The following IFT81 variants were observed in gnomAD, a reference collection of about 807,000 sequenced individuals.
IFT81 encodes the protein intraflagellar transport 81, also known as intraflagellar transport protein 81 homolog.
IFT81 carries 72 observed loss-of-function variants against 102.6 expected under a neutral mutation model. The ratio of observed to expected loss-of-function variants is 0.70; its 90% CI spans 0.58 to 0.85. The LOEUF (loss-of-function observed/expected upper bound fraction) is 0.85. Among genes scored for constraint, IFT81 ranks in the 40% least tolerant of loss-of-function variants. The pLI, the probability that IFT81 is intolerant of heterozygous loss-of-function variation, is 0.00. For missense variants in IFT81, 723 were observed against 787.3 expected, an observed-to-expected ratio of 0.92 and a Z score of 0.98; for synonymous variants, 237 against 242.7, an observed-to-expected ratio of 0.98 and a Z score of 0.22.
intron 18 of IFT81, chr12:110,216,673 G>A: frequency 2.3e-6 from 1 of 433,182 alleles, no homozygotes; most frequent in Non-Finnish European, 4.5e-6. Flanking sequence ...ACCATGTCCG[G>A]CTAATTTTTG....
chr12:110,174,221 T>C (rs1896928026), intron 11 of IFT81, among the ~76,000 whole-genome samples: 2 of 132,034 alleles, frequency 1.5e-5, no homozygotes, highest in Admixed American at 1.9e-4. Flanking sequence ...GGGCTTGCAG[T>C]GAGCCAAGAT....
chr12:110,148,104 A>G (rs1034356280), intron 10 of IFT81, among the ~76,000 whole-genome samples: 20 of 152,152 alleles, frequency 1.3e-4, no homozygotes, highest in African/African-American at 4.6e-4. Context: ...CTTTTAATCC[A>G]TATGTTCTCT....
At chr12:110,136,719 A>G in intron 7 of IFT81, 57 bp from the exon 8 acceptor site, 2 of 929,084 alleles carry the variant, frequency 2.2e-6, no homozygotes, top group South Asian at 3.6e-5. Context: ...TGCTTGCCTA[A>G]GTGAGAGGTA....
In IFT81 at chr12:110,191,059, T is replaced by G; in HGVS notation, c.1467+11T>G. 1 of 1,588,782 alleles carries G rather than the reference T, an allele frequency of 6.3e-7. No homozygotes were observed. The highest frequency in any genetic ancestry group is 8.5e-7 in the Non-Finnish European group (1 of 1,172,240). On this transcript the variant is annotated intron_variant, in intron 13 of 18. Coordinates refer to ENST00000242591, the MANE Select transcript of IFT81 (RefSeq NM_014055.4). ...GATATGTCTGAAATGGTGATGATACTTTTATTTAAATTTTCTTTTATTGTG... is the reference window on the plus strand; with the variant it reads ...GATATGTCTGAAATGGTGATGATACGTTTATTTAAATTTTCTTTTATTGTG...
chr12:110,130,817 T>TAC (rs778845400), intron 4 of IFT81, among the ~76,000 whole-genome samples: 3 of 151,844 alleles, frequency 2.0e-5, no homozygotes, highest in Admixed American at 6.6e-5. Context: ...GAAAGAGATA[T>TAC]ACACACACAC....
At chr12:110,170,146 G>C (rs1896668277) in intron 11 of IFT81, among the ~76,000 whole-genome samples, 1 of 150,822 alleles carries the variant, frequency 6.6e-6, no homozygotes, top group Admixed American at 6.6e-5. Flanking sequence ...GTAGAGATGG[G>C]GTTTCACCAT....
chr12:110,128,330 C>T, intron 3 of IFT81, among the ~76,000 whole-genome samples, 181 bp downstream of exon 3: 1 of 150,994 alleles, frequency 6.6e-6, no homozygotes, highest in East Asian at 1.9e-4. Flanking sequence ...TTAAGAGGGT[C>T]AGTTCTTTGC....
intron 9 of IFT81, among the ~76,000 whole-genome samples, chr12:110,146,165 C>T (rs1465578500): frequency 6.6e-6 from 1 of 152,114 alleles, no homozygotes; most frequent in African/African-American, 2.4e-5. Flanking sequence ...AGAGAGAACT[C>T]TAATCTTTCA....
chr12:110,202,493 G>A (rs921296441), intron 14 of IFT81, among the ~76,000 whole-genome samples: 5 of 147,090 alleles, frequency 3.4e-5, no homozygotes, highest in East Asian at 2.0e-4. Flanking sequence ...TCACTCTGTC[G>A]CCAGGCTGGA....
chr12:110,205,695 TG>T lies in IFT81; in HGVS notation c.1802+16del. 1 of 1,499,784 alleles carries T rather than the reference TG, an allele frequency of 6.7e-7. No individual in the cohort carries two copies. The highest frequency in any genetic ancestry group is 9.1e-7 in the Non-Finnish European group (1 of 1,101,882). The allele number at this position is 1,499,784 out of a possible 1,614,324, so 92.9% of individuals were successfully genotyped here. A position where few individuals can be genotyped will look rare whatever the true frequency, so the allele number is the denominator to read the frequency against. Reference sequence around the variant, plus strand: ...AAGGCAATTAGGCAAGTGATTTTGTTGTTTTATATTGAGATACTTAATATTT... The same window carrying T: ...AAGGCAATTAGGCAAGTGATTTTGTTTTTTATATTGAGATACTTAATATTT... On this transcript the variant is annotated intron_variant, in intron 17 of 18. Transcript: ENST00000242591.
At chr12:110,140,505 T>A (rs545244356) in intron 8 of IFT81, among the ~76,000 whole-genome samples, 10 of 152,338 alleles carry the variant, frequency 6.6e-5, no homozygotes, top group African/African-American at 2.4e-4. Flanking sequence ...AACTTTTTTT[T>A]AAATAGAGAA....
At chr12:110,179,516 G>A (rs1326338050) in intron 11 of IFT81, among the ~76,000 whole-genome samples, 1 of 151,394 alleles carries the variant, frequency 6.6e-6, no homozygotes, top group African/African-American at 2.4e-5. Flanking sequence ...GAGCTGAGGA[G>A]TTCAAAACCA....
chr12:110,205,409 G>A lies in IFT81; in HGVS notation c.1645-34G>A, dbSNP rs561306978. ...GTCGCCATATCTGTCTCATTCTTTCGATAATGTCACCTATCTAAAATTATA... is the reference window on the plus strand; with the variant it reads ...GTCGCCATATCTGTCTCATTCTTTCAATAATGTCACCTATCTAAAATTATA... On this transcript the variant is annotated intron_variant, in intron 15 of 18. Coordinates refer to ENST00000242591, the MANE Select transcript of IFT81 (RefSeq NM_014055.4). 1.3e-3 allele frequency: 2,027 copies of A among 1,554,414 alleles called. 43 individuals are homozygous for A. The South Asian group carries it at 0.024, about 18-fold the overall frequency.
At chr12:110,139,904 A>AAAATG (rs1491250653) in intron 8 of IFT81, among the ~76,000 whole-genome samples, 2 of 144,188 alleles carry the variant, frequency 1.4e-5, no homozygotes, top group Non-Finnish European at 3.0e-5. Context: ...AAAATAAAAT[A>AAAATG]AAAAATAAAA....
chr12:110,184,908 A>G (rs111636566), intron 12 of IFT81, among the ~76,000 whole-genome samples: 1,580 of 152,344 alleles, frequency 0.01, 5 homozygotes, highest in African/African-American at 0.014. Context: ...AGCTATGGAT[A>G]TCAGTCAGCT....
In IFT81 at chr12:110,129,002, G is replaced by A. The variant is rs1894012944; in HGVS notation, c.301G>A (p.Val101Met). 1 of 1,613,164 alleles carries A rather than the reference G, an allele frequency of 6.2e-7. No individual in the cohort carries two copies. The highest frequency in any genetic ancestry group is 1.3e-5 in the African/African-American group (1 of 74,802). ...TGGAAGTAAACCTGTAATTTACCCA[G>A]TGCTCCACTGGCTTCTTCAGAGGAC... is the stretch of plus-strand genomic sequence containing the variant. ...VIGSKPVIYP[V>M]LHWLLQRTNE... Residue 101 changes from valine (V) to methionine (M), a missense_variant, in exon 4 of 19, where the codon GTG becomes ATG. Coordinates refer to ENST00000242591, the MANE Select transcript of IFT81 (RefSeq NM_014055.4).
intron 14 of IFT81, among the ~76,000 whole-genome samples, chr12:110,193,941 G>C (rs1897899026): frequency 2.0e-5 from 3 of 152,152 alleles, no homozygotes; most frequent in Admixed American, 2.0e-4. Flanking sequence ...CAGGAAGCAT[G>C]ATGCAGGCAT....
At chr12:110,160,417 G>C (rs1453150404) in intron 10 of IFT81, among the ~76,000 whole-genome samples, 2 of 152,226 alleles carry the variant, frequency 1.3e-5, no homozygotes, top group African/African-American at 2.4e-5. Context: ...CCTGGAGTCT[G>C]ATGTCCAAGG....
At chr12:110,132,276 A>G (rs761479892) in intron 4 of IFT81, among the ~76,000 whole-genome samples, 1 of 152,114 alleles carries the variant, frequency 6.6e-6, no homozygotes, top group Non-Finnish European at 1.5e-5. Flanking sequence ...CAGCCTGAAC[A>G]TGGTGAAACC....
Sources: allele counts gnomAD v4.1 joint callset (sites outside exome capture counted in the v4.1 genomes callset), GRCh38; gene constraint gnomAD v4.1.1; transcripts MANE v1.5; gene names NCBI Gene and HGNC (gene_info 2026-07-23, HGNC 2026-07-21).